Variants in ATP10A observed in about 807,000 individuals in gnomAD.
ATP10A encodes the protein ATPase phospholipid transporting 10A (putative), also known as phospholipid-transporting ATPase VA.
ATP10A carries 111 observed loss-of-function variants against 147.8 expected under a neutral mutation model. The ratio of observed to expected loss-of-function variants is 0.75; its 90% confidence interval spans 0.64 to 0.88. The LOEUF is 0.88. Ranked by LOEUF, ATP10A falls within the 40% of genes least tolerant of loss-of-function variation. The pLI is 0.00. For synonymous variants in ATP10A, 875 were observed against 841.6 expected (o/e 1.04, Z -0.69); for missense variants, 1,927 against 1,959.0 (o/e 0.98, Z 0.31).
chr15:25,859,264 C>T (rs1000488101), intron 1 of ATP10A, among the ~76,000 whole-genome samples: 2 of 152,226 alleles, frequency 1.3e-5, no homozygotes, highest in African/African-American at 4.8e-5. Flanking sequence ...GATGCCCACC[C>T]TGTTCCAGCT....
rs1260400549 is a variant in ATP10A at position 25,758,969 on chromosome 15, T to A, written c.654+22050A>T. Among the ~76,000 whole-genome samples the A allele has an allele frequency of 3.3e-5, 5 of 152,094 alleles. No individual in the cohort carries two copies. The East Asian group carries it at 7.7e-4, about 23-fold the overall frequency. ...CTCCCCTGACTCCCGCCAAAGCACT[T>A]ACCCTGTCAGTCTCTTTAAATTAGC... On this transcript the variant is annotated intron_variant, in intron 2 of 20. Coordinates refer to ENST00000555815, the MANE Select transcript of ATP10A (RefSeq NM_024490.4).
chr15:25,713,838 GGCAGCTCCA>G lies in ATP10A; in HGVS notation c.2171_2179del (p.Val724_Pro727delinsAla). ...CTCGAAGGTGAGCCTGCCCAGGTGGGGCAGCTCCACTGACACTTGGTCGTGCAGCCGCTC... is the reference window on the plus strand; with the variant it reads ...CTCGAAGGTGAGCCTGCCCAGGTGGGCTGACACTTGGTCGTGCAGCCGCTC... On this transcript the variant is annotated inframe_deletion, in exon 10 of 21. Coordinates refer to ENST00000555815, the MANE Select transcript of ATP10A (RefSeq NM_024490.4). 1 of 1,614,000 alleles carries G rather than the reference GGCAGCTCCA, an allele frequency of 6.2e-7. No individual in the cohort carries two copies. Among genetic ancestry groups the G allele is most frequent in the South Asian group, 1.1e-5 (1 of 91,088 alleles).
intron 2 of ATP10A, among the ~76,000 whole-genome samples, chr15:25,736,662 C>A (rs547965136): frequency 6.6e-6 from 1 of 151,982 alleles, no homozygotes; most frequent in South Asian, 2.1e-4. Flanking sequence ...TAAAAAAAAA[C>A]CCTGACAACT....
chr15:25,841,361 G>C (rs1892805280), intron 1 of ATP10A: 1 of 149,664 alleles, frequency 6.7e-6, no homozygotes, highest in African/African-American at 2.5e-5. Context: ...TGAACTGATT[G>C]TCAAAAACTA....
intron 1 of ATP10A, among the ~76,000 whole-genome samples, chr15:25,851,269 C>T (rs996751369): frequency 2.6e-5 from 4 of 152,104 alleles, no homozygotes; most frequent in Admixed American, 1.3e-4. Context: ...TACTAAGCAC[C>T]TTTCTGAGAA....
chr15:25,703,252 G>C (rs1900778900), intron 12 of ATP10A, among the ~76,000 whole-genome samples: 1 of 152,174 alleles, frequency 6.6e-6, no homozygotes, highest in African/African-American at 2.4e-5. Flanking sequence ...CAGCTGCTCG[G>C]GAGGTTGAGG....
At chr15:25,761,535 A>C (rs1286326380) in intron 2 of ATP10A, among the ~76,000 whole-genome samples, 1 of 152,256 alleles carries the variant, frequency 6.6e-6, no homozygotes, top group Non-Finnish European at 1.5e-5. Context: ...GTGGGGCTGT[A>C]CCCAGCAAAG....
Position 25,702,868 on chromosome 15 carries a change from C to T in ATP10A, c.2576-768G>A, listed in dbSNP as rs185104396. ...TAGGTTCGAGCCCTGACTGAGGCTCCTTTACTGCGCTACACCATGCTGTGC... is the reference window on the plus strand; with the variant it reads ...TAGGTTCGAGCCCTGACTGAGGCTCTTTTACTGCGCTACACCATGCTGTGC... On this transcript the variant is annotated intron_variant, in intron 12 of 20. Coordinates refer to ENST00000555815, the MANE Select transcript of ATP10A (RefSeq NM_024490.4). Among the ~76,000 whole-genome samples, 838 of 151,950 alleles carry T rather than the reference C, an allele frequency of 5.5e-3. 9 individuals are homozygous for T. Among genetic ancestry groups the T allele is most frequent in the African/African-American group, 0.019 (795 of 41,410 alleles).
At chr15:25,732,590 C>G (rs1887007117) in intron 3 of ATP10A, among the ~76,000 whole-genome samples, 1 of 65,622 alleles carries the variant, frequency 1.5e-5, no homozygotes, top group Non-Finnish European at 2.8e-5. Flanking sequence ...GAGTCTCGCT[C>G]TGTCACCCAG....
intron 8 of ATP10A, among the ~76,000 whole-genome samples, chr15:25,717,750 C>T (rs1005221262): frequency 1.3e-5 from 2 of 152,204 alleles, no homozygotes; most frequent in East Asian, 1.9e-4. Context: ...CTCGCCTCTC[C>T]GTGCTGGATG....
intron 2 of ATP10A, among the ~76,000 whole-genome samples, chr15:25,749,887 T>C (rs1045294288): frequency 4.0e-5 from 6 of 151,700 alleles, no homozygotes; most frequent in African/African-American, 7.3e-5. Context: ...AAAAGAAAAA[T>C]ATAGTGAACT....
intron 6 of ATP10A, among the ~76,000 whole-genome samples, chr15:25,722,378 A>G (rs1459922964): frequency 6.6e-6 from 1 of 152,160 alleles, no homozygotes; most frequent in Non-Finnish European, 1.5e-5. Flanking sequence ...AACACAACAG[A>G]CAGTCTTTTT....
At chr15:25,722,962 C>T (rs979606815) in intron 6 of ATP10A, among the ~76,000 whole-genome samples, 3 of 152,136 alleles carry the variant, frequency 2.0e-5, no homozygotes, top group African/African-American at 7.2e-5. Context: ...CAGATAAATG[C>T]AATGTGGATA....
At chr15:25,799,635 G>A (rs1183276778) in intron 1 of ATP10A, among the ~76,000 whole-genome samples, 1 of 152,190 alleles carries the variant, frequency 6.6e-6, no homozygotes, top group African/African-American at 2.4e-5. Flanking sequence ...TCGGGAGGCT[G>A]AGGTGGAGGA....
chr15:25,860,089 T>G (rs10873611), intron 1 of ATP10A, among the ~76,000 whole-genome samples: 71,448 of 152,010 alleles, frequency 0.47, 19,882 homozygotes, highest in Admixed American at 0.6. Context: ...GACACAGAAG[T>G]CATTTCCTTG....
intron 10 of ATP10A, 114 bp downstream of exon 10, chr15:25,713,560 C>T (rs1901569597): frequency 1.8e-6 from 2 of 1,119,800 alleles, no homozygotes; most frequent in Admixed American, 2.5e-5. Flanking sequence ...ATGGGCATTT[C>T]TGTTGGAAAA....
rs573352583 is a variant in ATP10A, at chr15:25,697,757, G to A, written c.2761-2611C>T. 2.3e-3 allele frequency among the ~76,000 whole-genome samples: 353 copies of A among 152,260 alleles called. 1 individual carries two copies. The highest frequency in any genetic ancestry group is 8.0e-3 in the African/African-American group (334 of 41,534). The stretch of plus-strand genomic sequence containing the variant: ...TGAGCTGTGCACAGTGACTTCCTTC[G>A]GAAGAATTCAGTATGGGAAGAGGCA... On this transcript the variant is annotated intron_variant, in intron 13 of 20. Coordinates refer to ENST00000555815, the MANE Select transcript of ATP10A (RefSeq NM_024490.4).
intron 2 of ATP10A, among the ~76,000 whole-genome samples, chr15:25,776,530 A>G (rs890123758): frequency 1.9e-4 from 29 of 152,254 alleles, no homozygotes; most frequent in African/African-American, 7.0e-4. Flanking sequence ...AATGTGAGAC[A>G]TTGCCTGACA....
In ATP10A at chr15:25,683,262, G is replaced by A. The variant is rs947917989; in HGVS notation, c.3492+24C>T. On this transcript the variant is annotated intron_variant, in intron 17 of 20. Transcript: ENST00000555815. ...GGAGGGCAGAGCTCAGGAGGTGGAA[G>A]GCGGAGACTCGGGGGAGCTTTACCT... The A allele has an allele frequency of 3.1e-6, 5 of 1,609,286 alleles. No homozygotes were observed. In the African/African-American group the frequency reaches 6.7e-5, roughly 22 times the overall value.
Sources: allele counts gnomAD v4.1 joint callset (sites outside exome capture counted in the v4.1 genomes callset), GRCh38; gene constraint gnomAD v4.1.1; transcripts MANE v1.5; gene names NCBI Gene and HGNC (gene_info 2026-07-23, HGNC 2026-07-21).